TENM4: variants seen among roughly 807,000 people sequenced by gnomAD.
The protein encoded by TENM4 is teneurin-4.
A neutral mutation model predicts 243.3 loss-of-function variants in TENM4; 82 were observed. That is an observed-to-expected ratio of 0.34 (90% confidence interval 0.28 to 0.40). TENM4 has a LOEUF of 0.40. TENM4 is among the 10% of genes least tolerant of loss of function. The pLI, the probability that TENM4 is intolerant of heterozygous loss-of-function variation, is 1.00. For synonymous variants in TENM4, 1,412 were observed against 1,456.3 expected (o/e 0.97, Z 0.69); for missense variants, 3,138 against 3,673.3 (o/e 0.85, Z 3.77).
intron 14 of TENM4, among the ~76,000 whole-genome samples, chr11:78,810,298 T>C (rs1407468345): frequency 1.3e-5 from 2 of 152,186 alleles, no homozygotes; most frequent in African/African-American, 4.8e-5. Context: ...TCTTTTCAAA[T>C]AGATAACGTA....
rs79211143 is a variant in TENM4, at chr11:79,299,289, C to T, written c.-320-1746G>A. On this transcript the variant is annotated intron_variant, in intron 1 of 33. Transcript: ENST00000278550. ...GCTGAAATCGTAAAAATGCCTAACA[C>T]TTAGTCTATGTCAAGAAAGTCACTA... 4.4e-3 allele frequency among the ~76,000 whole-genome samples: 668 copies of T among 152,250 alleles called. 7 individuals carry two copies. Among genetic ancestry groups the T allele is most frequent in the African/African-American group, 0.015 (642 of 41,552 alleles).
chr11:79,177,443 C>G (rs1863186074), intron 3 of TENM4, among the ~76,000 whole-genome samples: 1 of 151,488 alleles, frequency 6.6e-6, no homozygotes, highest in East Asian at 1.9e-4. Context: ...TCTTCTCCCC[C>G]TCCATATTTG....
chr11:78,989,024 G>A (rs1857981014), intron 6 of TENM4, among the ~76,000 whole-genome samples: 1 of 152,124 alleles, frequency 6.6e-6, no homozygotes, highest in African/African-American at 2.4e-5. Flanking sequence ...ACACAGCTAA[G>A]GTCCAGACCT....
intron 1 of TENM4, among the ~76,000 whole-genome samples, chr11:79,421,041 G>A (rs1330834040): frequency 6.6e-6 from 1 of 152,158 alleles, no homozygotes; most frequent in Non-Finnish European, 1.5e-5. Flanking sequence ...CTGGTAGGGA[G>A]TATTTTTTAA....
chr11:78,677,066 T>C (rs1858496687), intron 29 of TENM4, among the ~76,000 whole-genome samples: 1 of 152,186 alleles, frequency 6.6e-6, no homozygotes. Context: ...ATAGTGATGA[T>C]TGCACAGCTT....
intron 2 of TENM4, among the ~76,000 whole-genome samples, chr11:79,255,719 A>G (rs949884092): frequency 2.6e-5 from 4 of 152,224 alleles, no homozygotes; most frequent in African/African-American, 9.6e-5. Context: ...AGATAATCAA[A>G]ATTAAAAATC....
At chr11:79,331,741 C>T (rs990166652) in intron 1 of TENM4, among the ~76,000 whole-genome samples, 3 of 152,330 alleles carry the variant, frequency 2.0e-5, no homozygotes, top group Non-Finnish European at 4.4e-5. Flanking sequence ...CCTGGTAAAT[C>T]ACAGTGCTTC....
In TENM4 at chr11:79,072,817, A is replaced by G. The variant is rs113318017; in HGVS notation, c.-65-2808T>C. Among the ~76,000 whole-genome samples, 220 of 152,332 alleles carry G rather than the reference A, an allele frequency of 1.4e-3. 1 individual carries two copies. Among genetic ancestry groups the G allele is most frequent in the African/African-American group, 4.7e-3 (194 of 41,582 alleles). Reference sequence around the variant, plus strand: ...AATAATGATGATGATAATAATAAGCATAAGTACTCCATAATGTTAGCCATT... The same window carrying G: ...AATAATGATGATGATAATAATAAGCGTAAGTACTCCATAATGTTAGCCATT... On this transcript the variant is annotated intron_variant, in intron 4 of 33. Transcript: ENST00000278550.
intron 6 of TENM4, among the ~76,000 whole-genome samples, chr11:79,039,637 A>T (rs544942670): frequency 1.3e-5 from 2 of 152,276 alleles, no homozygotes; most frequent in Non-Finnish European, 2.9e-5. Flanking sequence ...CACTTAAGAC[A>T]TCTATAATAA....
At chr11:79,110,264 T>C (rs1861474053) in intron 4 of TENM4, among the ~76,000 whole-genome samples, 1 of 152,192 alleles carries the variant, frequency 6.6e-6, no homozygotes, top group South Asian at 2.1e-4. Flanking sequence ...ATAAGCCTAC[T>C]ATACAGCCCA....
intron 29 of TENM4, among the ~76,000 whole-genome samples, chr11:78,686,615 A>C (rs1317702731): frequency 6.6e-6 from 1 of 152,150 alleles, no homozygotes; most frequent in Non-Finnish European, 1.5e-5. Flanking sequence ...CTCCAGGTAG[A>C]TAGTGTTGGA....
At chr11:78,912,477 G>A (rs999104505) in intron 6 of TENM4, among the ~76,000 whole-genome samples, 2 of 152,154 alleles carry the variant, frequency 1.3e-5, no homozygotes, top group Non-Finnish European at 2.9e-5. Flanking sequence ...GGCTGGTCTC[G>A]AACTCCTGAC....
chr11:78,754,275 G>A (rs962920998), intron 19 of TENM4, among the ~76,000 whole-genome samples: 3 of 152,300 alleles, frequency 2.0e-5, no homozygotes, highest in African/African-American at 7.2e-5. Context: ...CTGCTGAGGG[G>A]TCCATTTTCC....
At chr11:79,134,465 C>T (rs1192728101) in intron 4 of TENM4, among the ~76,000 whole-genome samples, 1 of 152,032 alleles carries the variant, frequency 6.6e-6, no homozygotes, top group Non-Finnish European at 1.5e-5. Flanking sequence ...CAAAATACTA[C>T]CATCATTCTT....
At chr11:78,946,948 C>G (rs1857012470) in intron 6 of TENM4, among the ~76,000 whole-genome samples, 1 of 152,166 alleles carries the variant, frequency 6.6e-6, no homozygotes, top group African/African-American at 2.4e-5. Flanking sequence ...GGAAACTACT[C>G]TTGATGAAGA....
At chr11:79,229,113 T>A (rs965740727) in intron 2 of TENM4, among the ~76,000 whole-genome samples, 1 of 152,238 alleles carries the variant, frequency 6.6e-6, no homozygotes, top group African/African-American at 2.4e-5. Flanking sequence ...GTTCTTCTCA[T>A]GATAAGACTG....
At chr11:79,437,412 G>C (rs1859295004) in intron 1 of TENM4, among the ~76,000 whole-genome samples, 1 of 152,196 alleles carries the variant, frequency 6.6e-6, no homozygotes, top group Non-Finnish European at 1.5e-5. Context: ...GCCGGGGACG[G>C]GAGAAAGGCG....
At chr11:78,991,474 A>C (rs1040066652) in intron 6 of TENM4, among the ~76,000 whole-genome samples, 6 of 152,202 alleles carry the variant, frequency 3.9e-5, no homozygotes, top group Admixed American at 3.9e-4. Flanking sequence ...ATGCTTGTGC[A>C]TATAAATACT....
intron 6 of TENM4, among the ~76,000 whole-genome samples, chr11:78,998,440 T>A (rs1858230805): frequency 2.0e-5 from 3 of 152,232 alleles, no homozygotes; most frequent in Non-Finnish European, 4.4e-5. Flanking sequence ...ATGAGGAGGT[T>A]GACAAATCAT....
Sources: gnomAD v4.1 joint callset for allele counts (sites outside exome capture counted in the v4.1 genomes callset) on GRCh38, gnomAD v4.1.1 for gene constraint, MANE v1.5 for transcripts, NCBI Gene and HGNC (gene_info 2026-07-23, HGNC 2026-07-21) for gene names.